ATXN7: variants seen among roughly 807,000 people sequenced by gnomAD.
ATXN7 encodes ataxin 7, also known as ataxin-7.
A neutral mutation model predicts 70.5 loss-of-function variants in ATXN7; 12 were observed. The observed-to-expected ratio is 0.17, with a 90% CI of 0.11 to 0.28. The LOEUF is 0.28. Among genes scored for constraint, ATXN7 ranks in the 10% least tolerant of loss-of-function variants. The probability of loss-of-function intolerance (pLI) is 1.00; values close to 1 mark genes in which losing one functional copy is unlikely to be tolerated. For missense variants in ATXN7, 1,256 were observed against 1,131.7 expected (o/e 1.11, Z -1.58); for synonymous variants, 498 against 448.7 (o/e 1.11, Z -1.39).
intron 5 of ATXN7, among the ~76,000 whole-genome samples, chr3:63,972,772 C>T (rs2075332611): frequency 6.6e-6 from 1 of 152,170 alleles, no homozygotes; most frequent in African/African-American, 2.4e-5. Flanking sequence ...TGATATCTTC[C>T]TGAAATGGCA....
intron 1 of ATXN7, among the ~76,000 whole-genome samples, chr3:63,880,644 G>A (rs569056514): frequency 6.6e-6 from 1 of 152,184 alleles, no homozygotes; most frequent in East Asian, 1.9e-4. Context: ...TTTGTCTGGG[G>A]TGCTTGCTGC....
chr3:63,896,317 A>G (rs1263738357), intron 1 of ATXN7, among the ~76,000 whole-genome samples: 3 of 152,198 alleles, frequency 2.0e-5, no homozygotes, highest in African/African-American at 7.2e-5. Flanking sequence ...TTGAATGCTT[A>G]TTACAAAGTA....
chr3:63,935,892 G>C (rs1268842769), intron 4 of ATXN7, among the ~76,000 whole-genome samples: 2 of 152,154 alleles, frequency 1.3e-5, no homozygotes, highest in African/African-American at 4.8e-5. Context: ...GGGATAAACA[G>C]ATATGTCGAA....
chr3:63,913,030 A>G (rs1180286281), intron 3 of ATXN7, 107 bp downstream of exon 3: 18 of 1,256,616 alleles, frequency 1.4e-5, no homozygotes, highest in Non-Finnish European at 2.0e-5. Context: ...AGGGGCAGAG[A>G]TGCTATCGTT....
chr3:63,937,664 T>G (rs1469203818), intron 4 of ATXN7, among the ~76,000 whole-genome samples: 2 of 152,178 alleles, frequency 1.3e-5, no homozygotes, highest in African/African-American at 4.8e-5. Flanking sequence ...AGATGAAACA[T>G]AGTAGGACCC....
intron 4 of ATXN7, among the ~76,000 whole-genome samples, chr3:63,949,832 C>T (rs940349640): frequency 4.6e-5 from 7 of 152,098 alleles, no homozygotes; most frequent in Non-Finnish European, 1.0e-4. Context: ...CCGAGTTTTC[C>T]GGTCACACAA....
At chr3:63,969,935 A>T (rs565061368) in intron 5 of ATXN7, among the ~76,000 whole-genome samples, 1 of 152,292 alleles carries the variant, frequency 6.6e-6, no homozygotes, top group South Asian at 2.1e-4. Flanking sequence ...ATGGTGTAAG[A>T]GGGAGAAAGG....
intron 12 of ATXN7, chr3:63,996,684 ATTTCTGGTGCC>A (rs1446545799): frequency 3.2e-6 from 2 of 632,528 alleles, no homozygotes; most frequent in Non-Finnish European, 5.2e-6. Flanking sequence ...TTCTGCCAGA[ATTTCTGGTGCC>A]TTTGGAAGAT....
rs748684633 is a variant in ATXN7, at chr3:63,982,175, T to C, written c.753-11T>C. On this transcript the variant is annotated splice_polypyrimidine_tract_variant and intron_variant, in intron 6 of 12. Coordinates refer to ENST00000674280, the MANE Select transcript of ATXN7 (RefSeq NM_001377405.1). Reference sequence around the variant, plus strand: ...CTCAGGCACTGGTTTTCTCACTTCCTCCTGTGACAGCATGACACCCTCTGT... The same window carrying C: ...CTCAGGCACTGGTTTTCTCACTTCCCCCTGTGACAGCATGACACCCTCTGT... 1.9e-6 allele frequency: 3 copies of C among 1,613,998 alleles called. No individual in the cohort carries two copies. Among genetic ancestry groups the C allele is most frequent in the Non-Finnish European group, 2.5e-6 (3 of 1,179,940 alleles).
chr3:63,913,057 G>A (rs781167034), intron 3 of ATXN7, 100 bp from the exon 4 acceptor site: 22 of 1,458,714 alleles, frequency 1.5e-5, no homozygotes, highest in Non-Finnish European at 2.1e-5. Flanking sequence ...GTTGCGGAAC[G>A]CGGAGGTGCC....
At chr3:63,874,790 T>C (rs1416199468) in intron 1 of ATXN7, among the ~76,000 whole-genome samples, 1 of 152,222 alleles carries the variant, frequency 6.6e-6, no homozygotes, top group Admixed American at 6.5e-5. Flanking sequence ...CTAATTGTAG[T>C]GACGTTGGTG....
intron 4 of ATXN7, among the ~76,000 whole-genome samples, chr3:63,925,067 A>T (rs1704663120): frequency 6.6e-6 from 1 of 152,216 alleles, no homozygotes; most frequent in South Asian, 2.1e-4. Context: ...ATGGAATCAG[A>T]GACTTTATCA....
Position 63,912,997 on chromosome 3 carries a change from C to T in ATXN7, c.325+74C>T, listed in dbSNP as rs1325150205. On this transcript the variant is annotated intron_variant, in intron 3 of 12. Transcript: ENST00000674280. ...CTCTCTCCTCCCCTCCCCCCTGCCC[C>T]CCTCCTGTGACCCGCCCCCTCGAGG... 1.4e-5 allele frequency: 20 copies of T among 1,429,878 alleles called. No homozygotes were observed. The Admixed American group carries it at 3.6e-4, about 26-fold the overall frequency. 88.6% of individuals were successfully genotyped at this position (1,429,878 alleles called of 1,614,324 possible).
At chr3:63,941,006 A>G (rs1022521859) in intron 4 of ATXN7, among the ~76,000 whole-genome samples, 1 of 152,176 alleles carries the variant, frequency 6.6e-6, no homozygotes, top group Non-Finnish European at 1.5e-5. Flanking sequence ...CATGTTGGTC[A>G]CTGTTGTAGC....
chr3:63,878,497 A>G (rs1702810027), intron 1 of ATXN7: 1 of 152,432 alleles, frequency 6.6e-6, no homozygotes. Flanking sequence ...CAAGATGAAT[A>G]ACCATTGTGA....
At chr3:63,900,292 A>C (rs1397406975) in intron 2 of ATXN7, among the ~76,000 whole-genome samples, 5 of 152,232 alleles carry the variant, frequency 3.3e-5, no homozygotes, top group Admixed American at 2.0e-4. Context: ...GGTTTTAGGC[A>C]ACTGTAGCAA....
chr3:63,975,409 A>G (rs2075374866), intron 5 of ATXN7, among the ~76,000 whole-genome samples: 1 of 152,248 alleles, frequency 6.6e-6, no homozygotes, highest in African/African-American at 2.4e-5. Flanking sequence ...AATGTTTTAA[A>G]AAATAGAGCC....
intron 2 of ATXN7, 64 bp from the exon 3 acceptor site, chr3:63,912,524 C>T (rs535294299): frequency 4.8e-6 from 5 of 1,041,136 alleles, no homozygotes; most frequent in South Asian, 2.4e-5. Flanking sequence ...CCGGAACTCC[C>T]TGGCGCCTCC....
At chr3:63,874,437 A>G (rs1349441105) in intron 1 of ATXN7, among the ~76,000 whole-genome samples, 1 of 152,236 alleles carries the variant, frequency 6.6e-6, no homozygotes, top group Non-Finnish European at 1.5e-5. Context: ...TATGAGTTAA[A>G]CCACACTTCA....
Sources: gnomAD v4.1 joint callset for allele counts (sites outside exome capture counted in the v4.1 genomes callset) on GRCh38, gnomAD v4.1.1 for gene constraint, MANE v1.5 for transcripts, NCBI Gene and HGNC (gene_info 2026-07-23, HGNC 2026-07-21) for gene names.